The following CTNNA3 variants were observed in gnomAD, a reference collection of about 807,000 sequenced individuals.
CTNNA3 encodes catenin alpha-3.
A neutral mutation model predicts 95.7 loss-of-function variants in CTNNA3; 76 were observed. That is an observed-to-expected ratio of 0.79 (90% confidence interval 0.66 to 0.96). The LOEUF (loss-of-function observed/expected upper bound fraction) is 0.96, where lower values mean the gene tolerates loss of function less well. CTNNA3 is among the 40% of genes least tolerant of loss of function. The pLI is 0.00. For missense variants in CTNNA3, 1,191 were observed against 1,089.8 expected (o/e 1.09, Z -1.31); for synonymous variants, 431 against 374.4 (o/e 1.15, Z -1.74).
chr10:67,458,234 A>G (rs1847244653), intron 5 of CTNNA3, among the ~76,000 whole-genome samples: 1 of 152,006 alleles, frequency 6.6e-6, no homozygotes, highest in Non-Finnish European at 1.5e-5. Context: ...GACCCAATTA[A>G]CCAGTTACAT....
intron 3 of CTNNA3, among the ~76,000 whole-genome samples, chr10:67,563,429 G>T (rs1487957541): frequency 3.9e-5 from 6 of 152,268 alleles, no homozygotes; most frequent in African/African-American, 1.4e-4. Context: ...TGGGAAAACA[G>T]GCTAGCCATA....
At chr10:66,623,388 AT>A (rs1844819241) in intron 9 of CTNNA3, among the ~76,000 whole-genome samples, 1 of 152,082 alleles carries the variant, frequency 6.6e-6, no homozygotes, top group South Asian at 2.1e-4. Context: ...ACTTACTTAT[AT>A]TTACTGTATC....
chr10:66,317,836 A>C (rs2092123043), intron 12 of CTNNA3, among the ~76,000 whole-genome samples: 1 of 152,100 alleles, frequency 6.6e-6, no homozygotes, highest in South Asian at 2.1e-4. Context: ...CAAGGTTATG[A>C]AAATGATCTC....
chr10:66,776,507 C>T (rs950325108), intron 7 of CTNNA3, among the ~76,000 whole-genome samples: 4 of 152,146 alleles, frequency 2.6e-5, no homozygotes, highest in Admixed American at 1.3e-4. Context: ...TAAACCCATA[C>T]CCTGCAGTGG....
chr10:67,645,193 G>GCACACACACA (rs113262576), intron 2 of CTNNA3, among the ~76,000 whole-genome samples: 9 of 149,086 alleles, frequency 6.0e-5, no homozygotes, highest in Admixed American at 2.0e-4. Context: ...GCACGTGCGC[G>GCACACACACA]CACACACACA....
intron 13 of CTNNA3, among the ~76,000 whole-genome samples, chr10:66,242,733 T>G (rs1348559178): frequency 6.6e-6 from 1 of 152,160 alleles, no homozygotes; most frequent in African/African-American, 2.4e-5. Flanking sequence ...ATTAAGCATA[T>G]ATTTAGCCCT....
rs911791237 is a variant in CTNNA3, at chr10:67,279,899, G to A, written c.580-60029C>T. Among the ~76,000 whole-genome samples the A allele has an allele frequency of 4.9e-4, 73 of 150,152 alleles. 5 individuals carry two copies. Among genetic ancestry groups the A allele is most frequent in the African/African-American group, 1.7e-3 (71 of 40,580 alleles). On this transcript the variant is annotated intron_variant, in intron 5 of 17. Coordinates refer to ENST00000433211, the MANE Select transcript of CTNNA3 (RefSeq NM_013266.4). ...AAAAAACTGAGAAAATGAAAGAAAC[G>A]GACAGAGAAAATTTCATTCATTGAT...
intron 1 of CTNNA3, chr10:67,751,318 GCT>G (rs1178398393): frequency 1.2e-6 from 1 of 809,014 alleles, no homozygotes; most frequent in African/African-American, 1.7e-5. Flanking sequence ...TTTTAGCCAA[GCT>G]TATCTGAGAT....
chr10:67,527,222 A>G (rs551358471), intron 4 of CTNNA3, among the ~76,000 whole-genome samples: 2 of 152,234 alleles, frequency 1.3e-5, no homozygotes, highest in Admixed American at 1.3e-4. Context: ...GCACCACTGC[A>G]CTCCAGCCTG....
chr10:67,324,684 T>C (rs76741500), intron 5 of CTNNA3, among the ~76,000 whole-genome samples: 1 of 152,076 alleles, frequency 6.6e-6, no homozygotes, highest in Non-Finnish European at 1.5e-5. Flanking sequence ...TCAAGGATAT[T>C]AGTCTGAAAT....
chr10:67,577,626 G>C (rs1842209697), intron 3 of CTNNA3, among the ~76,000 whole-genome samples: 1 of 150,584 alleles, frequency 6.6e-6, no homozygotes, highest in African/African-American at 2.5e-5. Context: ...GTAATGCCTA[G>C]GTTTTGTATA....
chr10:65,946,425 TTC>T (rs149739298), intron 17 of CTNNA3, among the ~76,000 whole-genome samples: 1 of 151,910 alleles, frequency 6.6e-6, no homozygotes, highest in East Asian at 1.9e-4. Flanking sequence ...CTGTCTCTGT[TTC>T]TCTCTCTCTC....
At chr10:66,815,057 C>T (rs1024542768) in intron 7 of CTNNA3, among the ~76,000 whole-genome samples, 11 of 151,500 alleles carry the variant, frequency 7.3e-5, no homozygotes, top group South Asian at 2.1e-4. Flanking sequence ...TCACCGTATT[C>T]GCCAACATTT....
intron 15 of CTNNA3, among the ~76,000 whole-genome samples, chr10:66,004,207 G>T (rs2078833300): frequency 6.6e-6 from 1 of 152,078 alleles, no homozygotes; most frequent in South Asian, 2.1e-4. Flanking sequence ...AGAATCAGTG[G>T]AATGTTTTAT....
At chr10:67,163,785 G>T (rs909264231) in intron 7 of CTNNA3, among the ~76,000 whole-genome samples, 1 of 151,934 alleles carries the variant, frequency 6.6e-6, no homozygotes, top group African/African-American at 2.4e-5. Context: ...GTGATTTCAG[G>T]AGGGTTGCAG....
At chr10:67,503,174 C>G (rs1839287358) in intron 5 of CTNNA3, among the ~76,000 whole-genome samples, 1 of 152,194 alleles carries the variant, frequency 6.6e-6, no homozygotes, top group Non-Finnish European at 1.5e-5. Context: ...CCGGAATGCA[C>G]CGTTCCTCAC....
chr10:67,725,307 G>A (rs1040909425), intron 1 of CTNNA3, among the ~76,000 whole-genome samples: 2 of 151,776 alleles, frequency 1.3e-5, no homozygotes, highest in African/African-American at 4.8e-5. Flanking sequence ...CTCCCAAGTA[G>A]CTGGGACAAC....
chr10:65,993,220 G>C (rs1240968099), intron 15 of CTNNA3, among the ~76,000 whole-genome samples: 1 of 152,202 alleles, frequency 6.6e-6, no homozygotes, highest in East Asian at 1.9e-4. Flanking sequence ...TTCTACAACT[G>C]TTCAATAAAA....
intron 1 of CTNNA3, among the ~76,000 whole-genome samples, chr10:67,757,188 T>C (rs150087081): frequency 1.7e-4 from 26 of 152,332 alleles, no homozygotes; most frequent in African/African-American, 6.3e-4. Flanking sequence ...TAGTTATCTA[T>C]TGCTGTATGA....
Sources: allele counts gnomAD v4.1 joint callset (sites outside exome capture counted in the v4.1 genomes callset), GRCh38; gene constraint gnomAD v4.1.1; transcripts MANE v1.5; gene names NCBI Gene and HGNC (gene_info 2026-07-23, HGNC 2026-07-21).